AGBL1: variants seen among roughly 807,000 people sequenced by gnomAD.
The protein encoded by AGBL1 is AGBL carboxypeptidase 1.
A neutral mutation model predicts 118.9 loss-of-function variants in AGBL1; 130 were observed. The observed-to-expected ratio is 1.09, with a 90% CI of 0.95 to 1.26. The LOEUF is 1.26. Among genes scored for constraint, AGBL1 ranks in the 50% most tolerant of loss-of-function variants. The pLI is 0.00. For synonymous variants in AGBL1, 555 were observed against 478.9 expected, an observed-to-expected ratio of 1.16 and a Z score of -2.08; for missense variants, 1,584 against 1,298.1, an observed-to-expected ratio of 1.22 and a Z score of -3.38.
chr15:86,523,204 C>T (rs2083213608), intron 19 of AGBL1, among the ~76,000 whole-genome samples: 1 of 152,184 alleles, frequency 6.6e-6, no homozygotes, highest in Non-Finnish European at 1.5e-5. Flanking sequence ...ATCATGCCCA[C>T]TCTGATGGCT....
At chr15:86,266,769 G>T (rs936829703) in intron 12 of AGBL1, among the ~76,000 whole-genome samples, 1 of 152,140 alleles carries the variant, frequency 6.6e-6, no homozygotes, top group Admixed American at 6.5e-5. Context: ...GGGTATGGTG[G>T]CGGGTGCCTG....
chr15:86,918,442 A>T (rs556786374), downstream of AGBL1, among the ~76,000 whole-genome samples: 76 of 152,156 alleles, frequency 5.0e-4, no homozygotes, highest in African/African-American at 1.7e-3. Flanking sequence ...CTTGAGGCAA[A>T]CTTGCCTTCA....
At chr15:86,473,204 G>T (rs567035651) in intron 18 of AGBL1, among the ~76,000 whole-genome samples, 69 of 152,186 alleles carry the variant, frequency 4.5e-4, no homozygotes, top group African/African-American at 1.5e-3. Context: ...ACTGGATTTT[G>T]TTCTAGGAAC....
At chr15:86,106,910 G>T (rs1334879212) in intron 1 of AGBL1, among the ~76,000 whole-genome samples, 1 of 152,200 alleles carries the variant, frequency 6.6e-6, no homozygotes, top group Admixed American at 6.5e-5. Flanking sequence ...GCAGTGTGCT[G>T]TGGAGCCCTG....
chr15:86,477,202 G>T (rs1456226539), intron 18 of AGBL1, among the ~76,000 whole-genome samples: 1 of 152,040 alleles, frequency 6.6e-6, no homozygotes, highest in Non-Finnish European at 1.5e-5. Flanking sequence ...ACATTCAAAA[G>T]CTAGCAGAAG....
chr15:86,365,689 A>G (rs867568736), intron 17 of AGBL1, among the ~76,000 whole-genome samples: 24 of 152,146 alleles, frequency 1.6e-4, no homozygotes, highest in South Asian at 1.5e-3. Flanking sequence ...TTTTTTCTCA[A>G]TCACACCCAT....
intron 22 of AGBL1, among the ~76,000 whole-genome samples, chr15:86,831,245 C>T (rs546625097): frequency 1.3e-5 from 2 of 152,276 alleles, no homozygotes; most frequent in Admixed American, 1.3e-4. Flanking sequence ...CAGAGCCAAA[C>T]CATATCATTA....
At chr15:86,354,628 A>C (rs1408877063) in intron 17 of AGBL1, among the ~76,000 whole-genome samples, 2 of 152,242 alleles carry the variant, frequency 1.3e-5, no homozygotes, top group African/African-American at 2.4e-5. Flanking sequence ...ATGACAGTTG[A>C]AGTTTAGTAT....
At position 86,239,014 on chromosome 15, in the gene AGBL1, A is replaced by G. The variant is rs559477698; in HGVS notation, c.527-8657A>G. On this transcript the variant is annotated intron_variant, in intron 6 of 22. Transcript: ENST00000614907. ...TTGTATGTGCTGAGGGTGGGGGAAG[A>G]GCAGAGATGTGTGAGGAAGAGAAAG... 1.2e-4 allele frequency among the ~76,000 whole-genome samples: 19 copies of G among 152,276 alleles called. No individual in the cohort carries two copies. In the South Asian group the frequency reaches 3.5e-3, roughly 28 times the overall value.
At chr15:86,185,422 T>C (rs941075082) in intron 5 of AGBL1, among the ~76,000 whole-genome samples, 2 of 152,082 alleles carry the variant, frequency 1.3e-5, no homozygotes, top group African/African-American at 2.4e-5. Context: ...ACCCAAAGGA[T>C]TATAAATCAT....
intron 21 of AGBL1, among the ~76,000 whole-genome samples, chr15:86,662,508 A>G (rs2085562800): frequency 1.3e-5 from 2 of 152,242 alleles, no homozygotes; most frequent in South Asian, 4.1e-4. Flanking sequence ...TGCTACTTAA[A>G]GTAGAGAGAT....
At chr15:86,110,798 C>T (rs1373502683) in intron 1 of AGBL1, among the ~76,000 whole-genome samples, 10 of 152,116 alleles carry the variant, frequency 6.6e-5, no homozygotes, top group South Asian at 4.1e-4. Context: ...AGTTTCTGAA[C>T]GAGCCTAGCA....
At chr15:86,158,096 T>C (rs898224584) in intron 4 of AGBL1, among the ~76,000 whole-genome samples, 2 of 152,178 alleles carry the variant, frequency 1.3e-5, no homozygotes, top group Non-Finnish European at 2.9e-5. Context: ...AGGACTAGGA[T>C]GCCAAATCTC....
chr15:86,535,833 C>T (rs1418388420), intron 19 of AGBL1, among the ~76,000 whole-genome samples: 1 of 152,194 alleles, frequency 6.6e-6, no homozygotes, highest in Admixed American at 6.5e-5. Context: ...CGCCAAGGGC[C>T]TCAAGATATT....
intron 21 of AGBL1, among the ~76,000 whole-genome samples, chr15:86,616,624 T>C (rs1335272705): frequency 1.3e-5 from 2 of 152,192 alleles, no homozygotes; most frequent in African/African-American, 4.8e-5. Flanking sequence ...GCCTACATAA[T>C]GTTGAGTCAC....
At chr15:86,311,453 G>A (rs1300154434) in intron 17 of AGBL1, among the ~76,000 whole-genome samples, 1 of 152,100 alleles carries the variant, frequency 6.6e-6, no homozygotes, top group African/African-American at 2.4e-5. Flanking sequence ...GTTTAGAATT[G>A]ACATTATTCC....
intron 21 of AGBL1, among the ~76,000 whole-genome samples, chr15:86,659,092 C>A (rs1422261893): frequency 6.6e-6 from 1 of 152,062 alleles, no homozygotes; most frequent in African/African-American, 2.4e-5. Context: ...TCCTATTTGT[C>A]CCCCCTCCAC....
chr15:86,621,569 G>C (rs1324171122), intron 21 of AGBL1, among the ~76,000 whole-genome samples: 3 of 152,070 alleles, frequency 2.0e-5, no homozygotes, highest in Non-Finnish European at 4.4e-5. Flanking sequence ...TTCTTGAAAG[G>C]ATAATAGTCA....
chr15:86,742,115 G>A (rs2077688736), intron 22 of AGBL1, among the ~76,000 whole-genome samples: 3 of 152,002 alleles, frequency 2.0e-5, no homozygotes, highest in South Asian at 4.1e-4. Context: ...GAGGCATTGA[G>A]CCATCTATAC....
Sources: allele counts gnomAD v4.1 joint callset (sites outside exome capture counted in the v4.1 genomes callset), GRCh38; gene constraint gnomAD v4.1.1; transcripts MANE v1.5; gene names NCBI Gene and HGNC (gene_info 2026-07-23, HGNC 2026-07-21).